Variants in EYA4 observed in about 807,000 individuals in gnomAD.
The protein encoded by EYA4 is EYA transcriptional coactivator and phosphatase 4, also known as protein phosphatase EYA4.
In EYA4, 31 loss-of-function variants were observed where a neutral mutation model predicts 87.9. The observed-to-expected ratio is 0.35, with a 90% CI of 0.27 to 0.48. The LOEUF (loss-of-function observed/expected upper bound fraction) is 0.48, where lower values mean the gene tolerates loss of function less well. EYA4 is among the 20% of genes least tolerant of loss of function. The probability of loss-of-function intolerance (pLI) is 0.99; values close to 1 mark genes in which losing one functional copy is unlikely to be tolerated. For synonymous variants in EYA4, 263 were observed against 270.6 expected (o/e 0.97, Z 0.28); for missense variants, 678 against 761.4 (o/e 0.89, Z 1.29).
At chr6:133,393,745 G>T (rs1025700872) in intron 3 of EYA4, among the ~76,000 whole-genome samples, 5 of 152,050 alleles carry the variant, frequency 3.3e-5, no homozygotes, top group Non-Finnish European at 7.3e-5. Context: ...TGGACTAATT[G>T]CCTCTTTTGT....
At chr6:133,286,624 C>T (rs994447584) in intron 2 of EYA4, among the ~76,000 whole-genome samples, 1 of 152,142 alleles carries the variant, frequency 6.6e-6, no homozygotes, top group African/African-American at 2.4e-5. Context: ...ATATCCAGGT[C>T]ACTGATTACT....
At chr6:133,314,793 C>T (rs1283242048) in intron 2 of EYA4, among the ~76,000 whole-genome samples, 4 of 152,064 alleles carry the variant, frequency 2.6e-5, no homozygotes, top group Non-Finnish European at 4.4e-5. Context: ...ATGTTTAGCT[C>T]CTAAAATATT....
intron 6 of EYA4, 76 bp downstream of exon 6, chr6:133,456,724 A>G: frequency 2.3e-6 from 2 of 883,038 alleles, no homozygotes; most frequent in Non-Finnish European, 3.8e-6. Context: ...AATAAGCAAC[A>G]TAAGCATCCA....
At chr6:133,328,751 T>C (rs531957864) in intron 2 of EYA4, among the ~76,000 whole-genome samples, 2 of 152,204 alleles carry the variant, frequency 1.3e-5, no homozygotes, top group African/African-American at 4.8e-5. Context: ...AAGGGTTGTC[T>C]CTCCAAACCC....
At chr6:133,448,737 AT>A (rs1451930633) in intron 5 of EYA4, among the ~76,000 whole-genome samples, 4 of 152,180 alleles carry the variant, frequency 2.6e-5, no homozygotes, top group African/African-American at 4.8e-5. Context: ...TGGCTTTTAA[AT>A]TTTTTTGAAC....
chr6:133,336,616 A>C (rs1782384806), intron 2 of EYA4, among the ~76,000 whole-genome samples: 1 of 152,222 alleles, frequency 6.6e-6, no homozygotes, highest in South Asian at 2.1e-4. Flanking sequence ...GGTTTTAGAA[A>C]GCTATCAAAG....
intron 3 of EYA4, among the ~76,000 whole-genome samples, chr6:133,419,213 G>A (rs212789): frequency 0.38 from 57,296 of 152,114 alleles, 14,038 homozygotes; most frequent in Non-Finnish European, 0.54. Flanking sequence ...CTCATGAACA[G>A]TGTGTCAGCC....
intron 2 of EYA4, among the ~76,000 whole-genome samples, chr6:133,337,211 C>T (rs948466803): frequency 6.6e-6 from 1 of 152,112 alleles, no homozygotes; most frequent in African/African-American, 2.4e-5. Flanking sequence ...ATTTAAACTA[C>T]ACAGAATGGA....
At position 133,432,953 on chromosome 6, in the gene EYA4, C is replaced by T. The variant is rs144330278; in HGVS notation, c.84-13677C>T. Among the ~76,000 whole-genome samples, 395 of 152,274 alleles carry T rather than the reference C, an allele frequency of 2.6e-3. 1 individual carries two copies. The highest frequency in any genetic ancestry group is 7.6e-3 in the African/African-American group (316 of 41,548). On this transcript the variant is annotated intron_variant, in intron 3 of 19. Coordinates refer to ENST00000355286, the MANE Select transcript of EYA4 (RefSeq NM_004100.5). The stretch of plus-strand genomic sequence containing the variant: ...CCCGAGAAGATATTTGGAAACCCAT[C>T]TACACACACCCATTAACTTTTTCTA...
Position 133,343,513 on chromosome 6 carries a change from A to G in EYA4, c.34-38879A>G, listed in dbSNP as rs1011672123. 4.6e-5 allele frequency among the ~76,000 whole-genome samples: 7 copies of G among 151,472 alleles called. No individual in the cohort carries two copies. The East Asian group carries it at 1.4e-3, about 30-fold the overall frequency. The stretch of plus-strand genomic sequence containing the variant: ...CGGTGCTTCCCGAGTTCCCTAGCAG[A>G]TAGCCTCCCCCTAGCTCAACAATAC... On this transcript the variant is annotated intron_variant, in intron 2 of 19. Coordinates refer to ENST00000355286, the MANE Select transcript of EYA4 (RefSeq NM_004100.5).
At chr6:133,355,750 T>G (rs972486485) in intron 2 of EYA4, among the ~76,000 whole-genome samples, 1 of 152,222 alleles carries the variant, frequency 6.6e-6, no homozygotes, top group African/African-American at 2.4e-5. Context: ...ATGTTATGTA[T>G]GTCAAGAATT....
At chr6:133,309,547 G>A (rs1018619575) in intron 2 of EYA4, among the ~76,000 whole-genome samples, 5 of 152,138 alleles carry the variant, frequency 3.3e-5, no homozygotes, top group African/African-American at 1.2e-4. Flanking sequence ...TTCTGATTAA[G>A]GCAGTACTAT....
At chr6:133,381,064 GTTTTTTTTTTC>G (rs1263539630) in intron 2 of EYA4, among the ~76,000 whole-genome samples, 2 of 99,360 alleles carry the variant, frequency 2.0e-5, no homozygotes, top group African/African-American at 7.5e-5. Flanking sequence ...CTGTGAAACC[GTTTTTTTTTTC>G]TTTTTTTTTT....
rs148776421 is a variant in EYA4, at chr6:133,326,866, T to TTGGCCG, written c.33+52055_33+52060dup. ...CTGCCCAATTACATGATTCCATCTC[T>TTGGCCG]TGGCCGTTACTAGGCTCTCAGAACT... On this transcript the variant is annotated intron_variant, in intron 2 of 19. Coordinates refer to ENST00000355286, the MANE Select transcript of EYA4 (RefSeq NM_004100.5). 9.1e-3 allele frequency among the ~76,000 whole-genome samples: 1,382 copies of TTGGCCG among 152,292 alleles called. 16 individuals are homozygous for TTGGCCG. Among genetic ancestry groups the TTGGCCG allele is most frequent in the African/African-American group, 0.03 (1,248 of 41,558 alleles).
At chr6:133,336,956 C>T (rs561760820) in intron 2 of EYA4, among the ~76,000 whole-genome samples, 315 of 148,016 alleles carry the variant, frequency 2.1e-3, no homozygotes, top group African/African-American at 7.5e-3. Context: ...TGCATCTGGC[C>T]GAAAACAGTT....
At chr6:133,473,545 T>C (rs1361617865) in intron 11 of EYA4, among the ~76,000 whole-genome samples, 1 of 152,058 alleles carries the variant, frequency 6.6e-6, no homozygotes, top group Non-Finnish European at 1.5e-5. Flanking sequence ...CATTCATGAT[T>C]TTTAGTTCCC....
intron 3 of EYA4, among the ~76,000 whole-genome samples, chr6:133,386,346 C>A (rs1786747136): frequency 6.6e-6 from 1 of 152,078 alleles, no homozygotes; most frequent in Non-Finnish European, 1.5e-5. Flanking sequence ...AATTTTACAG[C>A]AGAAGTTTCC....
At chr6:133,351,096 G>A (rs1174223505) in intron 2 of EYA4, among the ~76,000 whole-genome samples, 1 of 152,050 alleles carries the variant, frequency 6.6e-6, no homozygotes, top group Non-Finnish European at 1.5e-5. Flanking sequence ...AAACCTGTTT[G>A]AGAAGGCTGT....
intron 13 of EYA4, among the ~76,000 whole-genome samples, chr6:133,495,145 T>TGTAA (rs1797529065): frequency 6.6e-6 from 1 of 151,894 alleles, no homozygotes; most frequent in African/African-American, 2.4e-5. Context: ...GGTGGGCACC[T>TGTAA]GTAATGCCAG....
Sources: allele counts gnomAD v4.1 joint callset (sites outside exome capture counted in the v4.1 genomes callset), GRCh38; gene constraint gnomAD v4.1.1; transcripts MANE v1.5; gene names NCBI Gene and HGNC (gene_info 2026-07-23, HGNC 2026-07-21).